SLCO1A2: variants seen among roughly 807,000 people sequenced by gnomAD.
The protein encoded by SLCO1A2 is solute carrier organic anion transporter family member 1A2.
SLCO1A2 carries 67 observed loss-of-function variants against 69.0 expected under a neutral mutation model. The observed-to-expected ratio is 0.97, with a 90% CI of 0.80 to 1.19. The LOEUF (loss-of-function observed/expected upper bound fraction) is 1.19, where lower values mean the gene tolerates loss of function less well. Ranked by LOEUF, SLCO1A2 falls within the 50% of genes most tolerant of loss-of-function variation. The pLI, the probability that SLCO1A2 is intolerant of heterozygous loss-of-function variation, is 0.00. For missense variants in SLCO1A2, 787 were observed against 793.7 expected (o/e 0.99, Z 0.10); for synonymous variants, 260 against 265.9 (o/e 0.98, Z 0.22).
chr12:21,407,818 AATG>A (rs1478726431), intron 1 of SLCO1A2, among the ~76,000 whole-genome samples: 2 of 29,882 alleles, frequency 6.7e-5, no homozygotes, highest in African/African-American at 1.8e-4. Flanking sequence ...AATAAAAATA[AATG>A]AAAAAAAAAA....
In SLCO1A2 at chr12:21,300,384, C is replaced by T. The variant is rs766891594; in HGVS notation, c.874G>A (p.Glu292Lys). ...IKNENEDKQK[E>K]EVKKEKYGIT... ...CCATATTTTTCCTTCTTGACCTCTT[C>T]TTTTTGTTTGTCTTCATTTTCATTT... The change falls in exon 8 of 15, where the codon GAA becomes AAA. Residue 292 changes from glutamate to lysine, a missense_variant. Physicochemically the swap from Glu to Lys is moderately conservative, Grantham distance 56. Coordinates refer to ENST00000683939, the MANE Select transcript of SLCO1A2 (RefSeq NM_001386879.1). 6.2e-6 allele frequency: 10 copies of T among 1,612,838 alleles called. No homozygotes were observed. The highest frequency in any genetic ancestry group is 2.7e-5 in the African/African-American group (2 of 74,798).
intron 10 of SLCO1A2, chr12:21,294,683 A>G (rs972604161): frequency 6.6e-6 from 1 of 152,198 alleles, no homozygotes; most frequent in African/African-American, 2.4e-5. Flanking sequence ...GGGAATCAGC[A>G]TCATTGGAGA....
chr12:21,414,952 T>C (rs569326121), intron 1 of SLCO1A2, among the ~76,000 whole-genome samples: 47 of 152,238 alleles, frequency 3.1e-4, no homozygotes, highest in African/African-American at 1.1e-3. Context: ...TTATTGGATA[T>C]GAATAACTAC....
In SLCO1A2 at chr12:21,289,620, T is replaced by C. The variant is rs181244315; in HGVS notation, c.1610+2544A>G. Among the ~76,000 whole-genome samples, 673 of 152,256 alleles carry C rather than the reference T, an allele frequency of 4.4e-3. 2 individuals are homozygous for C. Among genetic ancestry groups the C allele is most frequent in the Non-Finnish European group, 7.1e-3 (486 of 68,000 alleles). ...CCCCAACTCCACCCTGGTTTCCATTTGTGTCTTTTATAATAACCTTCATAA... is the reference window on the plus strand; with the variant it reads ...CCCCAACTCCACCCTGGTTTCCATTCGTGTCTTTTATAATAACCTTCATAA... On this transcript the variant is annotated intron_variant, in intron 12 of 14. Coordinates refer to ENST00000683939, the MANE Select transcript of SLCO1A2 (RefSeq NM_001386879.1).
chr12:21,364,023 G>C (rs767656010), intron 2 of SLCO1A2, among the ~76,000 whole-genome samples: 9 of 152,306 alleles, frequency 5.9e-5, no homozygotes, highest in South Asian at 2.1e-4. Context: ...TAGAAAAAGA[G>C]GGAATCCTCC....
At chr12:21,331,178 G>C (rs1320393171) in intron 2 of SLCO1A2, among the ~76,000 whole-genome samples, 3 of 151,966 alleles carry the variant, frequency 2.0e-5, no homozygotes, top group Non-Finnish European at 2.9e-5. Flanking sequence ...CATGACTCTT[G>C]AAACTCCACA....
chr12:21,325,294 T>G (rs559334913), intron 2 of SLCO1A2, among the ~76,000 whole-genome samples: 18 of 152,244 alleles, frequency 1.2e-4, no homozygotes, highest in African/African-American at 4.1e-4. Context: ...ACAATACCAA[T>G]TTTCACAAGA....
Position 21,293,991 on chromosome 12 carries a change from G to A in SLCO1A2, c.1391C>T (p.Ala464Val). 6.2e-7 allele frequency: 1 copy of A among 1,612,800 alleles called. No individual in the cohort carries two copies. The highest frequency in any genetic ancestry group is 8.5e-7 in the Non-Finnish European group (1 of 1,179,416). ...GGATGTCTCACAACCAGCAAGACAAGCTGACAGATATGACAAGCCATTGTT... is the reference window on the plus strand; with the variant it reads ...GGATGTCTCACAACCAGCAAGACAAACTGACAGATATGACAAGCCATTGTT... Reference protein sequence around the residue: ...CGNNGLSYLSACLAGCETSIG... With the variant: ...CGNNGLSYLSVCLAGCETSIG... The change falls in exon 11 of 15, where the codon GCT becomes GTT. Residue 464 changes from alanine to valine, a missense_variant. Transcript: ENST00000683939.
chr12:21,310,945 T>A (rs1048890826), intron 4 of SLCO1A2, among the ~76,000 whole-genome samples: 8 of 152,198 alleles, frequency 5.3e-5, no homozygotes, highest in African/African-American at 1.9e-4. Flanking sequence ...CAGTAGAACT[T>A]CTTCCAAAAT....
chr12:21,318,898 G>A lies in SLCO1A2; in HGVS notation c.86C>T (p.Ala29Val), dbSNP rs151243864. 6.3e-6 allele frequency: 10 copies of A among 1,593,176 alleles called. No homozygotes were observed. In the African/African-American group the frequency reaches 9.5e-5, roughly 15 times the overall value. ...LKMFLLAITC[A>V]FVSKTLSGSY... is the part of the protein sequence containing the mutation. ...TCCAGACAGTGTTTTGGATACAAAT[G>A]CACATGTTATTGCCAACAGAAACAT... The change falls in exon 3 of 15, where the codon GCA (alanine) becomes GTA (valine). Residue 29 changes from alanine (A) to valine (V), a missense_variant. Ala to Val is a moderately conservative substitution (Grantham distance 64). Coordinates refer to ENST00000683939, the MANE Select transcript of SLCO1A2 (RefSeq NM_001386879.1).
chr12:21,344,141 T>C (rs1591864780), intron 2 of SLCO1A2, among the ~76,000 whole-genome samples: 1 of 152,124 alleles, frequency 6.6e-6, no homozygotes, highest in South Asian at 2.1e-4. Flanking sequence ...GTAGCATTGA[T>C]GTTACAGGTA....
intron 1 of SLCO1A2, among the ~76,000 whole-genome samples, chr12:21,414,270 G>T (rs11046024): frequency 2.9e-5 from 4 of 138,024 alleles, no homozygotes; most frequent in East Asian, 4.5e-4. Context: ...GAGCCACTGC[G>T]TCCAGCCTCT....
At chr12:21,381,970 G>A (rs999795380) in intron 1 of SLCO1A2, among the ~76,000 whole-genome samples, 1 of 152,156 alleles carries the variant, frequency 6.6e-6, no homozygotes, top group African/African-American at 2.4e-5. Flanking sequence ...AGTAATCCCA[G>A]TATTGAGTAT....
chr12:21,305,671 T>G (rs2136516822), intron 5 of SLCO1A2, among the ~76,000 whole-genome samples: 1 of 152,326 alleles, frequency 6.6e-6, no homozygotes, highest in African/African-American at 2.4e-5. Flanking sequence ...AGCACCTGGG[T>G]CAGTCTTTGG....
At chr12:21,293,608 G>T (rs1365127939) in intron 11 of SLCO1A2, among the ~76,000 whole-genome samples, 2 of 150,008 alleles carry the variant, frequency 1.3e-5, no homozygotes, top group Non-Finnish European at 3.0e-5. Context: ...TATATATATA[G>T]CAAAGCAATT....
chr12:21,308,775 C>T (rs148290964), intron 4 of SLCO1A2, among the ~76,000 whole-genome samples: 120 of 152,296 alleles, frequency 7.9e-4, no homozygotes, highest in African/African-American at 2.6e-3. Context: ...CCAGTCCCTG[C>T]GTAATGACTC....
upstream of SLCO1A2, among the ~76,000 whole-genome samples, chr12:21,397,213 G>C (rs1477351260): frequency 6.7e-6 from 1 of 150,276 alleles, no homozygotes; most frequent in Non-Finnish European, 1.5e-5. Flanking sequence ...AAAAGGCAGG[G>C]GTTGCAATCC....
upstream of SLCO1A2, among the ~76,000 whole-genome samples, chr12:21,335,413 T>C (rs2136963575): frequency 7.2e-6 from 1 of 138,082 alleles, no homozygotes; most frequent in East Asian, 1.9e-4. Flanking sequence ...TGGAAATATA[T>C]GTACAGATGT....
In SLCO1A2 at chr12:21,297,453, G is replaced by C. The variant is rs1235233699; in HGVS notation, c.1026C>G (p.Tyr342Ter). 4 of 1,612,804 alleles carry C rather than the reference G, an allele frequency of 2.5e-6. No homozygotes were observed. In the South Asian group the frequency reaches 4.4e-5, roughly 18 times the overall value. Residue 342 changes from tyrosine (Y) to a stop codon, truncating the protein, a stop_gained, in exon 9 of 15, where the codon TAC becomes TAG. Transcript: ENST00000683939. LOFTEE classifies it high-confidence loss of function. Reference sequence around the variant, plus strand: ...ATGATATTCCATATTGCTGTTCTAGGTATTTAGGCATGAAGGAGATCATGT... The same window carrying C: ...ATGATATTCCATATTGCTGTTCTAGCTATTTAGGCATGAAGGAGATCATGT... ...FVNMISFMPK[Y>*]LEQQYGISSS... is the part of the protein sequence containing the mutation.
Sources: allele counts gnomAD v4.1 joint callset (sites outside exome capture counted in the v4.1 genomes callset), GRCh38; gene constraint gnomAD v4.1.1; transcripts MANE v1.5; gene names NCBI Gene and HGNC (gene_info 2026-07-23, HGNC 2026-07-21).